Variants in CCDC62 observed in about 807,000 individuals in gnomAD.
The protein encoded by CCDC62 is coiled-coil domain containing 62.
CCDC62 carries 72 observed loss-of-function variants against 80.8 expected under a neutral mutation model. That is an observed-to-expected ratio of 0.89 (90% CI 0.74 to 1.08). CCDC62 has a LOEUF of 1.08. Ranked by LOEUF, CCDC62 falls within the 50% of genes least tolerant of loss-of-function variation. The probability of loss-of-function intolerance (pLI) is 0.00; values close to 1 mark genes in which losing one functional copy is unlikely to be tolerated. For synonymous variants in CCDC62, 286 were observed against 296.5 expected, an observed-to-expected ratio of 0.96 and a Z score of 0.36; for missense variants, 704 against 809.4, an observed-to-expected ratio of 0.87 and a Z score of 1.58.
rs936232378 is a variant in CCDC62, at chr12:122,827,526, G to T, written c.*1145G>T. Reference sequence around the variant, plus strand: ...ATGCGTGCTTTCTCCCTCAGGCTGGGCTGTCTAGAGCAAAACGGAGAAAGG... The same window carrying T: ...ATGCGTGCTTTCTCCCTCAGGCTGGTCTGTCTAGAGCAAAACGGAGAAAGG... On this transcript the variant is annotated 3_prime_UTR_variant, in exon 13 of 13. Transcript: ENST00000253079. 3 of 152,158 alleles carry T rather than the reference G, an allele frequency of 2.0e-5. No individual in the cohort carries two copies. Among genetic ancestry groups the T allele is most frequent in the African/African-American group, 7.2e-5 (3 of 41,432 alleles). 9.4% of individuals were successfully genotyped at this position (152,158 alleles called of 1,614,324 possible).
At chr12:122,802,196 G>C (rs2031354873) in intron 9 of CCDC62, among the ~76,000 whole-genome samples, 1 of 152,094 alleles carries the variant, frequency 6.6e-6, no homozygotes, top group South Asian at 2.1e-4. Context: ...CGCCACCCTA[G>C]AGCATTCCTC....
intron 1 of CCDC62, among the ~76,000 whole-genome samples, chr12:122,775,769 T>C (rs1879410328): frequency 1.3e-5 from 2 of 152,136 alleles, no homozygotes; most frequent in African/African-American, 4.8e-5. Context: ...CCCACCACCA[T>C]GCCGAGCTAA....
chr12:122,797,164 C>T (rs2031013528), intron 6 of CCDC62, 143 bp from the exon 7 acceptor site: 1 of 517,018 alleles, frequency 1.9e-6, no homozygotes, highest in South Asian at 2.0e-5. Context: ...AGGTGTGAGC[C>T]ACTTCGTTCA....
chr12:122,803,639 T>C (rs1030086334), intron 9 of CCDC62, among the ~76,000 whole-genome samples: 4 of 152,234 alleles, frequency 2.6e-5, no homozygotes, highest in African/African-American at 9.6e-5. Context: ...TTATTTCCTT[T>C]GGCCCTTTTA....
intron 10 of CCDC62, among the ~76,000 whole-genome samples, chr12:122,810,465 A>G (rs920580605): frequency 1.3e-5 from 2 of 152,204 alleles, no homozygotes; most frequent in African/African-American, 2.4e-5. Flanking sequence ...CAAAACCACA[A>G]TGAGATACCA....
chr12:122,816,204 T>TG (rs1274710776), intron 11 of CCDC62, among the ~76,000 whole-genome samples: 2 of 152,220 alleles, frequency 1.3e-5, no homozygotes, highest in African/African-American at 4.8e-5. Flanking sequence ...TGATGGACTC[T>TG]GGTGTTTCCT....
intron 1 of CCDC62, among the ~76,000 whole-genome samples, chr12:122,775,517 A>G (rs1327918829): frequency 6.6e-6 from 1 of 152,240 alleles, no homozygotes; most frequent in African/African-American, 2.4e-5. Flanking sequence ...ATGAAGGGCT[A>G]ACCCAACACT....
At chr12:122,823,721 G>C (rs1232045221) in intron 12 of CCDC62, among the ~76,000 whole-genome samples, 1 of 139,674 alleles carries the variant, frequency 7.2e-6, no homozygotes, top group East Asian at 2.0e-4. Context: ...AAAAAAAAAA[G>C]GCCGGGCGTG....
intron 3 of CCDC62, among the ~76,000 whole-genome samples, chr12:122,782,025 C>CAAAA (rs370400310): frequency 1.5e-5 from 1 of 65,402 alleles, no homozygotes; most frequent in South Asian, 5.0e-4. Flanking sequence ...GCCTGGGTGA[C>CAAAA]AAAAAAAAAA....
At chr12:122,796,607 C>G (rs1438903378) in intron 6 of CCDC62, among the ~76,000 whole-genome samples, 1 of 152,008 alleles carries the variant, frequency 6.6e-6, no homozygotes, top group Non-Finnish European at 1.5e-5. Context: ...CCTGTAATCC[C>G]AGCATTTTGG....
At position 122,774,641 on chromosome 12, in the gene CCDC62, C is replaced by T. The variant is rs753253483; in HGVS notation, c.-30C>T. The T allele has an allele frequency of 2.9e-5, 36 of 1,244,920 alleles. No individual in the cohort carries two copies. Among genetic ancestry groups the T allele is most frequent in the East Asian group, 6.3e-5 (2 of 31,650 alleles). The allele number at this position is 1,244,920 out of a possible 1,614,324, so 77.1% of individuals were successfully genotyped here. A position where few individuals can be genotyped will look rare whatever the true frequency, so the allele number is the denominator to read the frequency against. On this transcript the variant is annotated 5_prime_UTR_variant, in exon 1 of 13. Coordinates refer to ENST00000253079, the MANE Select transcript of CCDC62 (RefSeq NM_201435.5). ...GTTTCTGAGGTGACGCCGCCCACAC[C>T]GGGCTTCTCCGGGGGCGGAGGAAAC...
At chr12:122,807,488 A>G (rs1438645051) in intron 10 of CCDC62, among the ~76,000 whole-genome samples, 2 of 137,008 alleles carry the variant, frequency 1.5e-5, no homozygotes, top group Non-Finnish European at 3.1e-5. Flanking sequence ...CCGAGATTGC[A>G]CCATTGCACT....
At chr12:122,815,484 C>T (rs753994767) in intron 11 of CCDC62, among the ~76,000 whole-genome samples, 3 of 151,660 alleles carry the variant, frequency 2.0e-5, no homozygotes, top group East Asian at 3.9e-4. Flanking sequence ...CTCGCTCTGT[C>T]GCCCAGGCCT....
At position 122,785,844 on chromosome 12, in the gene CCDC62, C is replaced by A. The variant is rs762986149; in HGVS notation, c.498+24C>A. On this transcript the variant is annotated intron_variant, in intron 4 of 12. Transcript: ENST00000253079. ...AGGTAATCAAAAATAAGAATTCCTC[C>A]ATTTGCCAGAGTGCTTGGTAGTTAT... The A allele has an allele frequency of 1.4e-5, 21 of 1,477,730 alleles. No homozygotes were observed. In the South Asian group the frequency reaches 2.3e-4, roughly 16 times the overall value. 91.5% of individuals were successfully genotyped at this position (1,477,730 alleles called of 1,614,324 possible).
chr12:122,825,637 T>C (rs561873122), intron 12 of CCDC62, among the ~76,000 whole-genome samples: 1 of 147,990 alleles, frequency 6.8e-6, no homozygotes, highest in East Asian at 2.1e-4. Flanking sequence ...ATTAAAGGCG[T>C]GGCCCCCCAC....
At position 122,823,460 on chromosome 12, in the gene CCDC62, G is replaced by C; in HGVS notation, c.*40+1G>C. On this transcript the variant is annotated splice_donor_variant, in intron 12 of 12. Transcript: ENST00000253079. LOFTEE classifies it low-confidence loss of function (3UTR_SPLICE). ...ACTTCAGTATTCATCGTGATCACGA[G>C]TAAGTCACCTTTGCTTATCTCACCT... 7.1e-7 allele frequency: 1 copy of C among 1,404,754 alleles called. No individual in the cohort carries two copies. The highest frequency in any genetic ancestry group is 1.0e-6 in the Non-Finnish European group (1 of 990,978). The allele number at this position is 1,404,754 out of a possible 1,614,324, so 87.0% of individuals were successfully genotyped here. A position where few individuals can be genotyped will look rare whatever the true frequency, so the allele number is the denominator to read the frequency against.
rs775646453 is a variant in CCDC62, at chr12:122,792,095, G to T, written c.746G>T (p.Cys249Phe). Residue 249 changes from cysteine to phenylalanine, a missense_variant, in exon 6 of 13, where the codon TGC (cysteine) becomes TTC (phenylalanine). By Grantham distance (205) the Cys-to-Phe change is radical. Transcript: ENST00000253079. Reference protein sequence around the residue: ...EIIRLKQEKSCLHDELLFTVE... With the variant: ...EIIRLKQEKSFLHDELLFTVE... The stretch of plus-strand genomic sequence containing the variant: ...ATTCGCCTCAAGCAAGAGAAAAGTT[G>T]CCTGCACGATGAATTGCTTTTTACT... The T allele has an allele frequency of 1.6e-5, 25 of 1,612,722 alleles. No individual in the cohort carries two copies. The South Asian group carries it at 2.6e-4, about 17-fold the overall frequency.
At chr12:122,805,187 CT>C (rs35231650) in intron 9 of CCDC62, among the ~76,000 whole-genome samples, 6,007 of 64,262 alleles carry the variant, frequency 0.093, 294 homozygotes, top group African/African-American at 0.25. Context: ...AACTGGCCGG[CT>C]TTTTTTTTTT....
chr12:122,818,452 C>CAAAAAAAAA lies in CCDC62; in HGVS notation c.2002-4900_2002-4892dup, dbSNP rs138729013. 6.8e-3 allele frequency among the ~76,000 whole-genome samples: 420 copies of CAAAAAAAAA among 61,942 alleles called. 1 individual carries two copies. The highest frequency in any genetic ancestry group is 0.021 in the African/African-American group (395 of 19,204). The allele number at this position is 61,942 out of a possible 152,430, so 40.6% of individuals were successfully genotyped here. A position where few individuals can be genotyped will look rare whatever the true frequency, so the allele number is the denominator to read the frequency against. On this transcript the variant is annotated intron_variant, in intron 11 of 12. Coordinates refer to ENST00000253079, the MANE Select transcript of CCDC62 (RefSeq NM_201435.5). ...TGGGTGACATAGCGAGACTCTGTCT[C>CAAAAAAAAA]AAAAAAAAAAAAAAAAAAAAAATTA...
Sources: gnomAD v4.1 joint callset for allele counts (sites outside exome capture counted in the v4.1 genomes callset) on GRCh38, gnomAD v4.1.1 for gene constraint, MANE v1.5 for transcripts, NCBI Gene and HGNC (gene_info 2026-07-23, HGNC 2026-07-21) for gene names.